CAT: variants seen among roughly 807,000 people sequenced by gnomAD.
CAT encodes epididymis secretory sperm binding protein.
A neutral mutation model predicts 59.0 loss-of-function variants in CAT; 43 were observed. The observed-to-expected ratio is 0.73, with a 90% CI of 0.57 to 0.94. The LOEUF (loss-of-function observed/expected upper bound fraction) is 0.94, where lower values mean the gene tolerates loss of function less well. CAT is among the 40% of genes least tolerant of loss of function. CAT has a pLI of 0.00. For synonymous variants in CAT, 218 were observed against 230.9 expected (o/e 0.94, Z 0.51); for missense variants, 664 against 682.9 (o/e 0.97, Z 0.31).
chr11:34,452,569 G>A (rs932706251), intron 4 of CAT, among the ~76,000 whole-genome samples: 1 of 151,904 alleles, frequency 6.6e-6, no homozygotes, highest in East Asian at 1.9e-4. Flanking sequence ...GGGAGGGTGG[G>A]TATATTTTTT....
At chr11:34,457,100 A>G (rs1856599893) in intron 8 of CAT, 1 of 429,176 alleles carries the variant, frequency 2.3e-6, no homozygotes, top group Non-Finnish European at 4.2e-6. Flanking sequence ...CATAATAGAA[A>G]TACCTTAAGT....
chr11:34,456,569 T>C, intron 7 of CAT, 96 bp from the exon 8 acceptor site: 1 of 1,169,286 alleles, frequency 8.6e-7, no homozygotes, highest in East Asian at 2.3e-5. Context: ...ATTATTTTCA[T>C]TGGCTTGATT....
chr11:34,459,579 G>T (rs1436842132), intron 8 of CAT, among the ~76,000 whole-genome samples: 1 of 152,156 alleles, frequency 6.6e-6, no homozygotes, highest in African/African-American at 2.4e-5. Context: ...TTGCTTGGGT[G>T]GGAAAGGCTT....
intron 1 of CAT, 102 bp from the exon 2 acceptor site, chr11:34,449,090 G>T: frequency 9.8e-7 from 1 of 1,016,392 alleles, no homozygotes; most frequent in South Asian, 1.3e-5. Context: ...TTAAAAAAGA[G>T]GGCAGATGGT....
rs1245873262 is a variant in CAT at position 34,453,156 on chromosome 11, T to G, written c.547T>G (p.Trp183Gly). The G allele has an allele frequency of 6.2e-7, 1 of 1,613,504 alleles. No homozygotes were observed. Among genetic ancestry groups the G allele is most frequent in the East Asian group, 2.2e-5 (1 of 44,874 alleles). Residue 183 changes from tryptophan (W) to glycine (G), a missense_variant, in exon 5 of 13, where the codon TGG becomes GGG. By Grantham distance (184) the Trp-to-Gly change is radical (BLOSUM62 -2). Coordinates refer to ENST00000241052, the MANE Select transcript of CAT (RefSeq NM_001752.4). Reference sequence around the variant, plus strand: ...ACATCTGAAGGATCCGGACATGGTCTGGGACTTCTGGAGCCTACGTCCTGA... The same window carrying G: ...ACATCTGAAGGATCCGGACATGGTCGGGGACTTCTGGAGCCTACGTCCTGA... The part of the protein sequence containing the change: ...QTHLKDPDMV[W>G]DFWSLRPESL...
At position 34,464,227 on chromosome 11, in the gene CAT, G is replaced by A. The variant is rs201049382; in HGVS notation, c.1318G>A (p.Val440Ile). 81 of 1,613,892 alleles carry A rather than the reference G, an allele frequency of 5.0e-5. No homozygotes were observed. Among genetic ancestry groups the A allele is most frequent in the Middle Eastern group, 3.3e-4 (2 of 6,084 alleles). The change falls in exon 10 of 13, where the codon GTT (valine) becomes ATT (isoleucine). Residue 440 changes from valine to isoleucine, a missense_variant. Physicochemically the swap from Val to Ile is conservative, Grantham distance 29. Coordinates refer to ENST00000241052, the MANE Select transcript of CAT (RefSeq NM_001752.4). ...ATTCAACACTGCCAATGATGATAAC[G>A]TTACTCAGGTAATGACTTCTCTTTA... Reference protein sequence around the residue: ...RRFNTANDDNVTQVRAFYVNV... With the variant: ...RRFNTANDDNITQVRAFYVNV...
intron 8 of CAT, among the ~76,000 whole-genome samples, chr11:34,457,905 G>A (rs570738033): frequency 4.7e-4 from 72 of 152,332 alleles, no homozygotes; most frequent in African/African-American, 1.4e-3. Context: ...CTAAGATTCC[G>A]TTTTTAAAAA....
intron 1 of CAT, among the ~76,000 whole-genome samples, chr11:34,440,117 T>C (rs1178965751): frequency 6.6e-6 from 1 of 152,200 alleles, no homozygotes; most frequent in East Asian, 1.9e-4. Flanking sequence ...TGCTGGTTAA[T>C]GGTAGACAGA....
Position 34,471,616 on chromosome 11 carries a change from A to G in CAT, c.*183A>G, listed in dbSNP as rs1856774344. The G allele has an allele frequency of 3.2e-6, 2 of 633,740 alleles. No individual in the cohort carries two copies. The highest frequency in any genetic ancestry group is 2.8e-5 in the East Asian group (1 of 35,726). The allele number at this position is 633,740 out of a possible 1,614,324, so 39.3% of individuals were successfully genotyped here. The stretch of plus-strand genomic sequence containing the variant: ...ATGCTATTTCCCCAGGGGAAAATGA[A>G]GGTTAGGATTTAACAGTCATTTAAA... On this transcript the variant is annotated 3_prime_UTR_variant, in exon 13 of 13. Coordinates refer to ENST00000241052, the MANE Select transcript of CAT (RefSeq NM_001752.4).
intron 9 of CAT, among the ~76,000 whole-genome samples, chr11:34,461,771 C>T (rs1273596620): frequency 6.6e-6 from 1 of 152,170 alleles, no homozygotes; most frequent in Non-Finnish European, 1.5e-5. Context: ...ATCACCAAGA[C>T]TTAGACCCTT....
intron 1 of CAT, among the ~76,000 whole-genome samples, chr11:34,443,370 G>A (rs749459115): frequency 3.3e-5 from 5 of 152,356 alleles, no homozygotes; most frequent in Non-Finnish European, 7.3e-5. Context: ...ACTTTAATAA[G>A]TGAGCATTGA....
chr11:34,460,988 GAA>G, intron 8 of CAT: 6 of 467,058 alleles, frequency 1.3e-5, no homozygotes, highest in Non-Finnish European at 2.3e-5. Context: ...TATGCAGAAG[GAA>G]AAAAAAAAGA....
At chr11:34,467,147 ATAT>A (rs1275240542) in intron 10 of CAT, among the ~76,000 whole-genome samples, 2 of 152,252 alleles carry the variant, frequency 1.3e-5, no homozygotes, top group Non-Finnish European at 2.9e-5. Flanking sequence ...CAAAAAAGGA[ATAT>A]TATTAAGACA....
At chr11:34,471,345 C>T in intron 12 of CAT, 23 bp from the exon 13 acceptor site, 3 of 1,603,170 alleles carry the variant, frequency 1.9e-6, no homozygotes, top group Non-Finnish European at 2.6e-6. Context: ...GATTAACCTG[C>T]TCATCTTGTT....
intron 1 of CAT, among the ~76,000 whole-genome samples, chr11:34,446,262 A>G (rs779103434): frequency 2.0e-5 from 3 of 152,210 alleles, no homozygotes; most frequent in Non-Finnish European, 4.4e-5. Context: ...TTGTATATAC[A>G]TGAGCTTGTG....
At chr11:34,459,732 C>CT (rs1856628281) in intron 8 of CAT, among the ~76,000 whole-genome samples, 1 of 152,214 alleles carries the variant, frequency 6.6e-6, no homozygotes, top group Non-Finnish European at 1.5e-5. Context: ...GTAAGGTTGC[C>CT]TGATAAACAC....
chr11:34,457,587 T>C (rs1179244445), intron 8 of CAT, among the ~76,000 whole-genome samples: 1 of 152,228 alleles, frequency 6.6e-6, no homozygotes, highest in East Asian at 1.9e-4. Flanking sequence ...ACTACATGTA[T>C]GCTGCCAGTG....
intron 3 of CAT, among the ~76,000 whole-genome samples, chr11:34,451,831 G>A (rs1856526666): frequency 6.6e-6 from 1 of 152,120 alleles, no homozygotes; most frequent in East Asian, 1.9e-4. Flanking sequence ...ATCTTATTAT[G>A]GTAAATGAAT....
intron 1 of CAT, among the ~76,000 whole-genome samples, chr11:34,441,055 C>CTG (rs1228120102): frequency 6.6e-6 from 1 of 152,186 alleles, no homozygotes; most frequent in Non-Finnish European, 1.5e-5. Flanking sequence ...TCTCAGGGCA[C>CTG]TGTGTACATC....
Sources: allele counts gnomAD v4.1 joint callset (sites outside exome capture counted in the v4.1 genomes callset), GRCh38; gene constraint gnomAD v4.1.1; transcripts MANE v1.5; gene names NCBI Gene and HGNC (gene_info 2026-07-23, HGNC 2026-07-21).